PDXDC1: variants seen among roughly 807,000 people sequenced by gnomAD.
PDXDC1 encodes pyridoxal-dependent decarboxylase domain-containing protein 1.
PDXDC1 carries 42 observed loss-of-function variants against 100.1 expected under a neutral mutation model. The observed-to-expected ratio is 0.42, with a 90% CI of 0.33 to 0.54. The LOEUF is 0.54. Among genes scored for constraint, PDXDC1 ranks in the 20% least tolerant of loss-of-function variants. The pLI is 0.10. For missense variants in PDXDC1, 636 were observed against 979.2 expected (o/e 0.65, Z 4.68); for synonymous variants, 260 against 371.7 (o/e 0.70, Z 3.46).
the PDXDC1 span, among the ~76,000 whole-genome samples, chr16:15,145,275 GA>G: frequency 1.3e-5 from 2 of 152,232 alleles, no homozygotes; most frequent in African/African-American, 4.8e-5. Context: ...GGGGCAGCCG[GA>G]ATCCCATCAC....
intron 16 of PDXDC1, among the ~76,000 whole-genome samples, chr16:15,069,056 T>C (rs1288307747): frequency 1.3e-5 from 2 of 152,228 alleles, no homozygotes; most frequent in African/African-American, 2.4e-5. Flanking sequence ...AACCTCATCC[T>C]ACTAGTTCAT....
At chr16:15,140,905 C>A (rs1384280046), downstream of PDXDC1, among the ~76,000 whole-genome samples, 3 of 152,230 alleles carry the variant, frequency 2.0e-5, no homozygotes, top group East Asian at 5.8e-4. Context: ...CTGCCACGGG[C>A]CTCTACTTCC....
intron 1 of PDXDC1, chr16:14,988,275 T>C (rs1969880997): frequency 3.1e-6 from 5 of 1,613,784 alleles, no homozygotes; most frequent in Non-Finnish European, 4.2e-6. Flanking sequence ...ACTGGGATCT[T>C]CCTTACTCCT....
downstream of PDXDC1, among the ~76,000 whole-genome samples, chr16:15,142,622 G>A (rs548871288): frequency 6.6e-6 from 1 of 152,130 alleles, no homozygotes; most frequent in East Asian, 1.9e-4. Context: ...GACCAGTACA[G>A]GGATCCCCGT....
chr16:15,143,404 G>A (rs1373772870), downstream of PDXDC1, among the ~76,000 whole-genome samples: 1 of 152,222 alleles, frequency 6.6e-6, no homozygotes, highest in Non-Finnish European at 1.5e-5. Context: ...GTGGGCAGCA[G>A]GGCCAGCCTG....
At chr16:15,042,751 G>T (rs867535858), downstream of PDXDC1, among the ~76,000 whole-genome samples, 1 of 61,396 alleles carries the variant, frequency 1.6e-5, no homozygotes, top group Middle Eastern at 8.9e-3. Context: ...TTTATTTATT[G>T]AGACGAAGTC....
chr16:15,077,228 C>G (rs1309842395), intron 16 of PDXDC1, among the ~76,000 whole-genome samples: 1 of 152,044 alleles, frequency 6.6e-6, no homozygotes, highest in Admixed American at 6.6e-5. Flanking sequence ...ATCCACCGGC[C>G]TCAGCTTCCC....
rs889542588 is a variant in PDXDC1, at chr16:15,056,012, C to T, written c.1399+25956C>T. ...CCAGGCAGGCCCAGGGAGGCGGCGGCCCCCCGCTTTGCAGCCCCGGGCCGC... is the reference window on the plus strand; with the variant it reads ...CCAGGCAGGCCCAGGGAGGCGGCGGTCCCCCGCTTTGCAGCCCCGGGCCGC... On this transcript the variant is annotated intron_variant, in intron 16 of 16. Transcript: ENST00000535621. The T allele has an allele frequency of 1.4e-5, 15 of 1,101,892 alleles. 1 individual carries two copies. In the East Asian group the frequency reaches 1.5e-4, roughly 11 times the overall value. The allele number at this position is 1,101,892 out of a possible 1,614,324, so 68.3% of individuals were successfully genotyped here.
chr16:15,131,537 C>A, intron 16 of PDXDC1: 1 of 1,609,510 alleles, frequency 6.2e-7, no homozygotes. Flanking sequence ...ATCTCCTCGC[C>A]CGCCAGTGTC....
intron 16 of PDXDC1, chr16:15,133,457 G>T: frequency 1.1e-6 from 1 of 901,616 alleles, no homozygotes; most frequent in South Asian, 1.4e-5. Flanking sequence ...GCAGGTGGCA[G>T]TCTCGGGGGC....
intron 16 of PDXDC1, among the ~76,000 whole-genome samples, chr16:15,067,317 C>A (rs961111826): frequency 8.2e-5 from 12 of 145,556 alleles, no homozygotes; most frequent in African/African-American, 3.0e-4. Context: ...TGAAAGCTTA[C>A]AAAGGAGCCA....
At chr16:14,992,233 G>A (rs1304852189) in intron 1 of PDXDC1, among the ~76,000 whole-genome samples, 1 of 152,294 alleles carries the variant, frequency 6.6e-6, no homozygotes, top group African/African-American at 2.4e-5. Flanking sequence ...AAAGGCATCA[G>A]TATCATTAGA....
intron 16 of PDXDC1, chr16:15,059,887 C>T (rs1024549524): frequency 3.6e-4 from 61 of 169,716 alleles, no homozygotes; most frequent in African/African-American, 1.3e-3. Context: ...ATCCTCACCC[C>T]GGCATGCAAT....
At chr16:15,055,037 T>C (rs776361625) in intron 16 of PDXDC1, among the ~76,000 whole-genome samples, 2 of 152,112 alleles carry the variant, frequency 1.3e-5, no homozygotes, top group African/African-American at 2.4e-5. Flanking sequence ...TTCTAGACTA[T>C]AAACACTCCG....
chr16:15,064,795 T>C (rs1338783772), intron 16 of PDXDC1, among the ~76,000 whole-genome samples: 1 of 152,178 alleles, frequency 6.6e-6, no homozygotes, highest in East Asian at 1.9e-4. Flanking sequence ...GAGATGCTCA[T>C]CAACAGCGAG....
chr16:15,061,702 G>T, intron 16 of PDXDC1: 1 of 1,580,726 alleles, frequency 6.3e-7, no homozygotes, highest in African/African-American at 1.3e-5. Flanking sequence ...GACAAGTGAT[G>T]GGGAATCCCA....
At chr16:15,100,968 C>T (rs371928448) in intron 16 of PDXDC1, among the ~76,000 whole-genome samples, 1 of 152,092 alleles carries the variant, frequency 6.6e-6, no homozygotes, top group Non-Finnish European at 1.5e-5. Flanking sequence ...AACAGGGACG[C>T]TATCTCAAAT....
chr16:15,147,697 T>G, the PDXDC1 span, among the ~76,000 whole-genome samples: 1 of 152,150 alleles, frequency 6.6e-6, no homozygotes. Context: ...CAGCATTTTT[T>G]TGTTTTTTTG....
At position 14,989,965 on chromosome 16, in the gene PDXDC1, G is replaced by A. The variant is rs1233222136; in HGVS notation, c.22-7788G>A. 3.2e-5 allele frequency: 47 copies of A among 1,461,596 alleles called. No individual in the cohort carries two copies. The East Asian group carries it at 3.4e-4, about 10-fold the overall frequency. 90.5% of individuals were successfully genotyped at this position (1,461,596 alleles called of 1,614,324 possible). A position where few individuals can be genotyped will look rare whatever the true frequency, so the allele number is the denominator to read the frequency against. On this transcript the variant is annotated intron_variant, in intron 1 of 22. Transcript: ENST00000396410. ...CGCCAGGCGCGGGTGGCCGCCTCCAGGCAGGCAGACGGCTCGGTGGCGCCC... is the reference window on the plus strand; with the variant it reads ...CGCCAGGCGCGGGTGGCCGCCTCCAAGCAGGCAGACGGCTCGGTGGCGCCC...
Sources: allele counts gnomAD v4.1 joint callset (sites outside exome capture counted in the v4.1 genomes callset), GRCh38; gene constraint gnomAD v4.1.1; transcripts MANE v1.5; gene names NCBI Gene and HGNC (gene_info 2026-07-23, HGNC 2026-07-21).